Variants in FBXL17 observed in about 807,000 individuals in gnomAD.
The protein encoded by FBXL17 is F-box and leucine rich repeat protein 17, also known as F-box/LRR-repeat protein 17.
Under a neutral mutation model 66.2 loss-of-function variants are expected in FBXL17, and 22 were observed. That is an observed-to-expected ratio of 0.33 (90% confidence interval 0.24 to 0.47). The LOEUF (loss-of-function observed/expected upper bound fraction) is 0.47. FBXL17 is among the 20% of genes least tolerant of loss of function. The pLI is 1.00. For synonymous variants in FBXL17, 474 were observed against 400.5 expected (o/e 1.18, Z -2.19); for missense variants, 878 against 948.2 (o/e 0.93, Z 0.97).
intron 6 of FBXL17, among the ~76,000 whole-genome samples, chr5:108,130,535 G>C (rs906382205): frequency 1.3e-5 from 2 of 151,814 alleles, no homozygotes; most frequent in African/African-American, 4.8e-5. Flanking sequence ...ATTTTAACTC[G>C]GGTAGTAAAA....
At chr5:108,184,550 G>A (rs867808980) in intron 6 of FBXL17, among the ~76,000 whole-genome samples, 2 of 151,508 alleles carry the variant, frequency 1.3e-5, no homozygotes, top group Non-Finnish European at 2.9e-5. Flanking sequence ...CTCGTGATCC[G>A]CCCGCCTTGG....
chr5:108,320,558 T>C (rs192591211), intron 4 of FBXL17, among the ~76,000 whole-genome samples: 262 of 151,964 alleles, frequency 1.7e-3, no homozygotes, highest in African/African-American at 6.1e-3. Context: ...ATGTTTTAAA[T>C]GAAATTTTTA....
chr5:108,315,136 A>G (rs1168264861), intron 4 of FBXL17, among the ~76,000 whole-genome samples: 1 of 151,122 alleles, frequency 6.6e-6, no homozygotes, highest in African/African-American at 2.4e-5. Context: ...AAAACTCAGG[A>G]AAAAACATAT....
At chr5:108,169,303 C>T (rs1203904318) in intron 6 of FBXL17, among the ~76,000 whole-genome samples, 1 of 152,164 alleles carries the variant, frequency 6.6e-6, no homozygotes, top group Non-Finnish European at 1.5e-5. Flanking sequence ...CTAATTCCAA[C>T]AAGATCATAA....
intron 6 of FBXL17, among the ~76,000 whole-genome samples, chr5:108,080,576 A>G (rs2149918228): frequency 6.6e-6 from 1 of 152,348 alleles, no homozygotes; most frequent in East Asian, 1.9e-4. Context: ...TCGTGAAAAC[A>G]TGTGCCCAAG....
intron 5 of FBXL17, among the ~76,000 whole-genome samples, chr5:108,220,675 T>A (rs1417473182): frequency 6.6e-6 from 1 of 152,170 alleles, no homozygotes; most frequent in Non-Finnish European, 1.5e-5. Context: ...CCAGCCTAAG[T>A]CAGTAGGAGC....
intron 7 of FBXL17, among the ~76,000 whole-genome samples, chr5:107,957,525 A>C (rs1383250103): frequency 6.6e-6 from 1 of 152,212 alleles, no homozygotes; most frequent in Non-Finnish European, 1.5e-5. Context: ...GATGTTAGTG[A>C]ACAGAGAGTT....
intron 7 of FBXL17, among the ~76,000 whole-genome samples, chr5:107,957,975 C>T (rs1751728392): frequency 6.6e-6 from 1 of 152,192 alleles, no homozygotes; most frequent in South Asian, 2.1e-4. Flanking sequence ...GCATTCTGTG[C>T]AGGGAGTGAG....
In FBXL17 at chr5:108,326,839, T is replaced by C. The variant is rs953232870; in HGVS notation, c.1506+21560A>G. On this transcript the variant is annotated intron_variant, in intron 4 of 8. Transcript: ENST00000542267. Reference sequence around the variant, plus strand: ...ACACCACCTGTTGGTAGCGACATAGTAGTCCAAATGGAGTTCTCAAACATT... The same window carrying C: ...ACACCACCTGTTGGTAGCGACATAGCAGTCCAAATGGAGTTCTCAAACATT... Among the ~76,000 whole-genome samples the C allele has an allele frequency of 1.4e-4, 22 of 152,226 alleles. 1 individual carries two copies. In the East Asian group the frequency reaches 3.3e-3, roughly 23 times the overall value.
intron 4 of FBXL17, among the ~76,000 whole-genome samples, chr5:108,311,561 T>C (rs1437100557): frequency 1.3e-5 from 2 of 152,138 alleles, no homozygotes; most frequent in Non-Finnish European, 2.9e-5. Context: ...AAATGTACAA[T>C]ACATTATTTT....
At chr5:108,051,059 G>T (rs1014763221) in intron 6 of FBXL17, among the ~76,000 whole-genome samples, 1 of 152,148 alleles carries the variant, frequency 6.6e-6, no homozygotes. Context: ...TCCCTGAATA[G>T]ACCAATAACA....
chr5:108,080,728 T>C (rs985220872), intron 6 of FBXL17, among the ~76,000 whole-genome samples: 3 of 152,172 alleles, frequency 2.0e-5, no homozygotes, highest in African/African-American at 7.2e-5. Flanking sequence ...GATTCAAATA[T>C]TTTCTGATTG....
At chr5:108,078,265 T>G (rs1178447594) in intron 6 of FBXL17, among the ~76,000 whole-genome samples, 7 of 152,290 alleles carry the variant, frequency 4.6e-5, no homozygotes, top group African/African-American at 1.7e-4. Flanking sequence ...ATACTTAAAT[T>G]TGCTGTTTTT....
At chr5:108,362,614 T>C (rs552691034) in intron 3 of FBXL17, among the ~76,000 whole-genome samples, 19 of 152,264 alleles carry the variant, frequency 1.2e-4, no homozygotes, top group Admixed American at 9.8e-4. Flanking sequence ...ACAAAGAGGA[T>C]AGTATTCAAC....
intron 1 of FBXL17, 134 bp downstream of exon 1, chr5:108,380,565 C>G (rs910880456): frequency 4.2e-6 from 2 of 474,656 alleles, no homozygotes; most frequent in Non-Finnish European, 6.9e-6. Context: ...GCTTCCCAGT[C>G]TCCCCTTGGG....
intron 7 of FBXL17, among the ~76,000 whole-genome samples, chr5:107,964,490 C>T (rs1752040440): frequency 6.6e-6 from 1 of 152,014 alleles, no homozygotes; most frequent in Non-Finnish European, 1.5e-5. Flanking sequence ...AATATCCAAA[C>T]TGGATCATAA....
chr5:108,147,178 C>A (rs1289204952), intron 6 of FBXL17, among the ~76,000 whole-genome samples: 1 of 152,164 alleles, frequency 6.6e-6, no homozygotes, highest in Non-Finnish European at 1.5e-5. Flanking sequence ...TTTGGCAGGA[C>A]AACAACATTC....
chr5:108,267,497 T>C (rs1757091517), intron 4 of FBXL17, among the ~76,000 whole-genome samples: 2 of 152,108 alleles, frequency 1.3e-5, no homozygotes, highest in South Asian at 2.1e-4. Context: ...TTACTCCTAC[T>C]AGTCATAAGT....
chr5:108,143,382 A>C (rs1751435328), intron 6 of FBXL17, among the ~76,000 whole-genome samples: 1 of 145,400 alleles, frequency 6.9e-6, no homozygotes, highest in African/African-American at 2.7e-5. Flanking sequence ...CACATATACA[A>C]ATAACATGCT....
Sources: allele counts gnomAD v4.1 joint callset (sites outside exome capture counted in the v4.1 genomes callset), GRCh38; gene constraint gnomAD v4.1.1; transcripts MANE v1.5; gene names NCBI Gene and HGNC (gene_info 2026-07-23, HGNC 2026-07-21).